The following KLF12 variants were observed in gnomAD, a reference collection of about 807,000 sequenced individuals.
KLF12 encodes the protein KLF transcription factor 12.
In KLF12, 9 loss-of-function variants were observed where a neutral mutation model predicts 37.8. The ratio of observed to expected loss-of-function variants is 0.24; its 90% CI spans 0.14 to 0.42. The LOEUF (loss-of-function observed/expected upper bound fraction) is 0.42, where lower values mean the gene tolerates loss of function less well. Among genes scored for constraint, KLF12 ranks in the 10% least tolerant of loss-of-function variants. The pLI is 1.00. For synonymous variants in KLF12, 208 were observed against 202.1 expected (o/e 1.03, Z -0.25); for missense variants, 411 against 516.0 (o/e 0.80, Z 1.97).
chr13:73,862,827 T>A (rs912132894), intron 3 of KLF12, among the ~76,000 whole-genome samples: 6 of 152,176 alleles, frequency 3.9e-5, no homozygotes, highest in East Asian at 1.9e-4. Context: ...CTGGTTCCCA[T>A]GAGATAAAGT....
At chr13:73,931,051 T>C (rs1029746860) in intron 3 of KLF12, among the ~76,000 whole-genome samples, 3 of 151,870 alleles carry the variant, frequency 2.0e-5, no homozygotes, top group Admixed American at 6.6e-5. Flanking sequence ...AGAGATGGTG[T>C]TTCTCCATGT....
At chr13:73,910,579 G>T (rs551408909) in intron 3 of KLF12, among the ~76,000 whole-genome samples, 2 of 152,240 alleles carry the variant, frequency 1.3e-5, no homozygotes, top group African/African-American at 4.8e-5. Flanking sequence ...GTTAAGAGGG[G>T]TAGGAGAGAG....
chr13:74,031,135 T>C (rs1383903153), intron 1 of KLF12, among the ~76,000 whole-genome samples: 1 of 152,176 alleles, frequency 6.6e-6, no homozygotes, highest in Non-Finnish European at 1.5e-5. Context: ...GAAACCTTCC[T>C]TGGACCATCA....
At chr13:73,786,243 T>C (rs1343404144) in intron 5 of KLF12, among the ~76,000 whole-genome samples, 1 of 152,148 alleles carries the variant, frequency 6.6e-6, no homozygotes, top group Admixed American at 6.5e-5. Flanking sequence ...ATAATGACAT[T>C]TAACTCCCTT....
At chr13:73,923,108 A>G (rs1335498520) in intron 3 of KLF12, among the ~76,000 whole-genome samples, 1 of 152,168 alleles carries the variant, frequency 6.6e-6, no homozygotes, top group Non-Finnish European at 1.5e-5. Context: ...TCAATATTTT[A>G]AACAGTTCAA....
chr13:74,153,450 C>G, the KLF12 span, among the ~76,000 whole-genome samples: 1 of 152,190 alleles, frequency 6.6e-6, no homozygotes, highest in Non-Finnish European at 1.5e-5. Context: ...GCTGGTCCAG[C>G]CTGGACTTGA....
At chr13:73,774,699 G>A (rs1295559719) in intron 5 of KLF12, among the ~76,000 whole-genome samples, 1 of 152,132 alleles carries the variant, frequency 6.6e-6, no homozygotes, top group Non-Finnish European at 1.5e-5. Context: ...ACATTCTCAA[G>A]TTATTTCAAA....
At chr13:74,205,831 A>G in the KLF12 span, among the ~76,000 whole-genome samples, 1 of 152,238 alleles carries the variant, frequency 6.6e-6, no homozygotes, top group Non-Finnish European at 1.5e-5. Context: ...CTGCAAAAAG[A>G]TAACTCTCTC....
At chr13:74,118,648 G>T (rs1277652469) in intron 1 of KLF12, among the ~76,000 whole-genome samples, 2 of 152,068 alleles carry the variant, frequency 1.3e-5, no homozygotes, top group African/African-American at 2.4e-5. Flanking sequence ...ATTAAATTAT[G>T]GTCAAAAAGT....
chr13:74,228,436 T>TA, the KLF12 span, among the ~76,000 whole-genome samples: 3 of 152,168 alleles, frequency 2.0e-5, no homozygotes, highest in Admixed American at 2.0e-4. Context: ...TCCTATAAAA[T>TA]ATTACATATT....
In KLF12 at chr13:73,694,453, GTTA is replaced by G. The variant is rs1873997370; in HGVS notation, c.*1034_*1036del. 1 of 152,650 alleles carries G rather than the reference GTTA, an allele frequency of 6.6e-6. No homozygotes were observed. 9.5% of individuals were successfully genotyped at this position (152,650 alleles called of 1,614,324 possible). A position where few individuals can be genotyped will look rare whatever the true frequency, so the allele number is the denominator to read the frequency against. ...ATTGGTAACGTGAGTCCTCAGTGAA[GTTA>G]TTGTAGGAAAGTCCTTTTATTCATT... is the stretch of plus-strand genomic sequence containing the variant. On this transcript the variant is annotated 3_prime_UTR_variant, in exon 8 of 8. Coordinates refer to ENST00000377669, the MANE Select transcript of KLF12 (RefSeq NM_007249.5).
At chr13:73,913,882 T>C (rs1888690212) in intron 3 of KLF12, among the ~76,000 whole-genome samples, 2 of 152,228 alleles carry the variant, frequency 1.3e-5, no homozygotes, top group Non-Finnish European at 2.9e-5. Flanking sequence ...CATATTATAA[T>C]TGCATCTGGA....
At chr13:74,021,207 G>A (rs1300065264) in intron 1 of KLF12, among the ~76,000 whole-genome samples, 1 of 151,968 alleles carries the variant, frequency 6.6e-6, no homozygotes, top group African/African-American at 2.4e-5. Context: ...AGTTTGATGT[G>A]TTATTAATAA....
chr13:73,776,506 A>C (rs886606993), intron 5 of KLF12, among the ~76,000 whole-genome samples: 3 of 152,226 alleles, frequency 2.0e-5, no homozygotes, highest in African/African-American at 7.2e-5. Flanking sequence ...CCAGCCCACC[A>C]ATAGGATTGG....
At position 73,691,541 on chromosome 13, in the gene KLF12, G is replaced by C. The variant is rs73214983; in HGVS notation, c.*3949C>G. The C allele has an allele frequency of 6.2e-3, 951 of 152,736 alleles. 6 individuals carry two copies. The highest frequency in any genetic ancestry group is 0.01 in the Non-Finnish European group (682 of 68,036). 9.5% of individuals were successfully genotyped at this position (152,736 alleles called of 1,614,324 possible). A position where few individuals can be genotyped will look rare whatever the true frequency, so the allele number is the denominator to read the frequency against. On this transcript the variant is annotated 3_prime_UTR_variant, in exon 8 of 8. Transcript: ENST00000377669. ...TCCCTTATACGCAGACTGTAACATG[G>C]ATGCTGGTATTCTTAACACTGCTTA...
chr13:73,780,869 A>G (rs1880922234), intron 5 of KLF12, among the ~76,000 whole-genome samples: 1 of 152,262 alleles, frequency 6.6e-6, no homozygotes, highest in South Asian at 2.1e-4. Context: ...TTAGAAGATT[A>G]CACAAACTTA....
At chr13:73,965,513 G>A (rs1294755759) in intron 2 of KLF12, among the ~76,000 whole-genome samples, 5 of 152,012 alleles carry the variant, frequency 3.3e-5, no homozygotes, top group African/African-American at 1.2e-4. Flanking sequence ...TGATGGGTGG[G>A]GAATCTGGCT....
chr13:73,906,278 A>AAT (rs760218466), intron 3 of KLF12, among the ~76,000 whole-genome samples: 35 of 152,312 alleles, frequency 2.3e-4, no homozygotes, highest in Non-Finnish European at 2.4e-4. Flanking sequence ...TAGTTCATAA[A>AAT]ATTCTTAGAC....
chr13:74,060,119 C>T (rs1395459301), intron 1 of KLF12, among the ~76,000 whole-genome samples: 4 of 152,054 alleles, frequency 2.6e-5, no homozygotes, highest in Non-Finnish European at 2.9e-5. Flanking sequence ...TTGATCTATG[C>T]ATCTATTTTT....
Sources: allele counts gnomAD v4.1 joint callset (sites outside exome capture counted in the v4.1 genomes callset), GRCh38; gene constraint gnomAD v4.1.1; transcripts MANE v1.5; gene names NCBI Gene and HGNC (gene_info 2026-07-23, HGNC 2026-07-21).